CNTRL: variants seen among roughly 807,000 people sequenced by gnomAD.
CNTRL encodes centriolin, also known as 110 kDa centrosomal protein.
In CNTRL, 233 loss-of-function variants were observed where a neutral mutation model predicts 303.7. The ratio of observed to expected loss-of-function variants is 0.77; its 90% CI spans 0.69 to 0.86. CNTRL has a LOEUF of 0.86. CNTRL is among the 40% of genes least tolerant of loss of function. The probability of loss-of-function intolerance (pLI) is 0.00; values close to 1 mark genes in which losing one functional copy is unlikely to be tolerated. For missense variants in CNTRL, 2,524 were observed against 2,650.6 expected (o/e 0.95, Z 1.05); for synonymous variants, 900 against 922.2 (o/e 0.98, Z 0.44).
chr9:121,144,914 T>C lies in CNTRL; in HGVS notation c.3123T>C (p.Ala1041=). The C allele has an allele frequency of 6.2e-7, 1 of 1,613,596 alleles. No homozygotes were observed. The highest frequency in any genetic ancestry group is 1.1e-5 in the South Asian group (1 of 91,040). ...CCAGAGATCTCACCCGAGCAGAAGCTGAGATCGAACTCCTGCAGAATCTCC... is the reference window on the plus strand; with the variant it reads ...CCAGAGATCTCACCCGAGCAGAAGCCGAGATCGAACTCCTGCAGAATCTCC... ...QAARDLTRAE[A]EIELLQNLLR... is the part of the protein sequence containing the mutation. Residue 1041 remains alanine (A), a synonymous_variant, in exon 21 of 44, where the codon GCT becomes GCC. Coordinates refer to ENST00000373855, the MANE Select transcript of CNTRL (RefSeq NM_007018.6).
intron 27 of CNTRL, 188 bp downstream of exon 27, chr9:121,155,101 C>G (rs2052497430): frequency 3.4e-6 from 2 of 592,842 alleles, no homozygotes; most frequent in African/African-American, 3.7e-5. Context: ...AGTCCCCTGG[C>G]TTTGCTTTTC....
chr9:121,112,034 A>G (rs1386177112), intron 8 of CNTRL, among the ~76,000 whole-genome samples: 1 of 152,088 alleles, frequency 6.6e-6, no homozygotes, highest in East Asian at 1.9e-4. Context: ...AGTTAATGTC[A>G]GTTATCATTT....
At position 121,169,810 on chromosome 9, in the gene CNTRL, CCTT is replaced by C. The variant is rs762255403; in HGVS notation, c.6274_6276del (p.Leu2092del). The C allele has an allele frequency of 1.3e-5, 21 of 1,613,706 alleles. No individual in the cohort carries two copies. Among genetic ancestry groups the C allele is most frequent in the Non-Finnish European group, 1.8e-5 (21 of 1,179,874 alleles). On this transcript the variant is annotated inframe_deletion, in exon 39 of 44. Coordinates refer to ENST00000373855, the MANE Select transcript of CNTRL (RefSeq NM_007018.6). Reference sequence around the variant, plus strand: ...TCCAGCGGAGCCAGCTGGAGAAAAACCTTCTTGTGAGTACCTGCTGCCGTGGCA... The same window carrying C: ...TCCAGCGGAGCCAGCTGGAGAAAAACCTTGTGAGTACCTGCTGCCGTGGCA...
At position 121,140,702 on chromosome 9, in the gene CNTRL, T is replaced by C; in HGVS notation, c.2399T>C (p.Val800Ala). Residue 800 changes from valine to alanine, a missense_variant, in exon 17 of 44, where the codon GTT becomes GCT. Coordinates refer to ENST00000373855, the MANE Select transcript of CNTRL (RefSeq NM_007018.6). The stretch of plus-strand genomic sequence containing the variant: ...TTCCAGAATCACCTTAACCATGTGG[T>C]TGATGGTTTGGTTCGTCCAGAAGAA... ...KDFQNHLNHVVDGLVRPEEVA... is the reference protein window; with the variant it reads ...KDFQNHLNHVADGLVRPEEVA... 1 of 1,613,424 alleles carries C rather than the reference T, an allele frequency of 6.2e-7. No homozygotes were observed. The highest frequency in any genetic ancestry group is 8.5e-7 in the Non-Finnish European group (1 of 1,179,524).
chr9:121,170,781 C>G (rs1046571271), intron 39 of CNTRL, among the ~76,000 whole-genome samples: 25 of 152,188 alleles, frequency 1.6e-4, no homozygotes, highest in Admixed American at 3.3e-4. Flanking sequence ...TAGTCAGTGC[C>G]TACAAATTTT....
At chr9:121,076,286 A>T (rs1366042740) in intron 1 of CNTRL, among the ~76,000 whole-genome samples, 2 of 152,214 alleles carry the variant, frequency 1.3e-5, no homozygotes, top group African/African-American at 2.4e-5. Context: ...ATAAAATTGA[A>T]TAATTAATGG....
chr9:121,083,852 T>G (rs959992567), intron 2 of CNTRL, among the ~76,000 whole-genome samples: 11 of 152,214 alleles, frequency 7.2e-5, no homozygotes, highest in Non-Finnish European at 1.6e-4. Flanking sequence ...ATAGGAATTT[T>G]TCAGCTTTAT....
intron 34 of CNTRL, among the ~76,000 whole-genome samples, chr9:121,164,523 C>A (rs532631378): frequency 1.3e-5 from 2 of 152,262 alleles, no homozygotes; most frequent in East Asian, 3.9e-4. Flanking sequence ...AAAGTAACTA[C>A]GTTGAGTGAA....
At chr9:121,088,572 T>A in intron 3 of CNTRL, 29 bp downstream of exon 3, 1 of 1,454,944 alleles carries the variant, frequency 6.9e-7, no homozygotes, top group Non-Finnish European at 9.6e-7. Context: ...AGAATTGGTC[T>A]GACCACATAC....
chr9:121,083,612 T>A (rs950158713), intron 2 of CNTRL, among the ~76,000 whole-genome samples: 2 of 152,184 alleles, frequency 1.3e-5, no homozygotes, highest in African/African-American at 2.4e-5. Flanking sequence ...AACTATTTTT[T>A]AAAAAATAAA....
At position 121,140,725 on chromosome 9, in the gene CNTRL, G is replaced by A. The variant is rs765374405; in HGVS notation, c.2422G>A (p.Glu808Lys). 16 of 1,613,646 alleles carry A rather than the reference G, an allele frequency of 9.9e-6. No individual in the cohort carries two copies. Among genetic ancestry groups the A allele is most frequent in the Non-Finnish European group, 1.4e-5 (16 of 1,179,672 alleles). Residue 808 changes from glutamate (E) to lysine (K), a missense_variant, in exon 17 of 44, where the codon GAA (glutamate) becomes AAA (lysine). Transcript: ENST00000373855. ...GGTTGATGGTTTGGTTCGTCCAGAA[G>A]AAGTGGCAGCTCGTGTGGATGAGCT... is the stretch of plus-strand genomic sequence containing the variant. ...HVVDGLVRPE[E>K]VAARVDELRR...
chr9:121,090,439 GT>G (rs747100026), intron 4 of CNTRL, 34 bp downstream of exon 4: 1 of 1,587,068 alleles, frequency 6.3e-7, no homozygotes. Context: ...CATAGATACT[GT>G]TTTTAACTTT....
At chr9:121,133,781 C>G (rs886760434) in intron 14 of CNTRL, among the ~76,000 whole-genome samples, 2 of 152,152 alleles carry the variant, frequency 1.3e-5, no homozygotes, top group African/African-American at 2.4e-5. Context: ...TTGGCCATCT[C>G]GGAACGGGAT....
intron 24 of CNTRL, 35 bp from the exon 25 acceptor site, chr9:121,150,132 CTTT>C (rs766321056): frequency 6.5e-7 from 1 of 1,534,494 alleles, no homozygotes; most frequent in Non-Finnish European, 8.8e-7. Flanking sequence ...GTAAAACACT[CTTT>C]TGTTGAATAA....
intron 13 of CNTRL, among the ~76,000 whole-genome samples, chr9:121,125,314 C>A (rs1324812170): frequency 6.6e-6 from 1 of 151,866 alleles, no homozygotes; most frequent in Non-Finnish European, 1.5e-5. Context: ...ACTACAGGCA[C>A]ATGCCCGGCT....
At chr9:121,158,740 C>G in intron 30 of CNTRL, 115 bp from the exon 31 acceptor site, 1 of 1,023,852 alleles carries the variant, frequency 9.8e-7, no homozygotes, top group Non-Finnish European at 1.5e-6. Flanking sequence ...TTTTCTGACT[C>G]TTGGGGGCTA....
chr9:121,107,037 A>G (rs745319700), intron 7 of CNTRL, among the ~76,000 whole-genome samples: 1 of 152,066 alleles, frequency 6.6e-6, no homozygotes, highest in Non-Finnish European at 1.5e-5. Flanking sequence ...CAGCTAAGCT[A>G]TTTGATCACA....
chr9:121,174,200 A>G (rs1179674193), intron 42 of CNTRL, among the ~76,000 whole-genome samples: 1 of 152,176 alleles, frequency 6.6e-6, no homozygotes, highest in Non-Finnish European at 1.5e-5. Flanking sequence ...AGCCAAAAAT[A>G]GGAGTCTAGG....
chr9:121,171,297 G>A (rs754883347), intron 39 of CNTRL, 111 bp from the exon 40 acceptor site: 1 of 1,151,202 alleles, frequency 8.7e-7, no homozygotes, highest in South Asian at 1.3e-5. Context: ...GACAGCTAGA[G>A]AAGCTGAGGC....
Sources: gnomAD v4.1 joint callset for allele counts (sites outside exome capture counted in the v4.1 genomes callset) on GRCh38, gnomAD v4.1.1 for gene constraint, MANE v1.5 for transcripts, NCBI Gene and HGNC (gene_info 2026-07-23, HGNC 2026-07-21) for gene names.